TNFSF14: variants seen among roughly 807,000 people sequenced by gnomAD.
TNFSF14 encodes the protein tumor necrosis factor ligand superfamily member 14.
In TNFSF14, 15 loss-of-function variants were observed where a neutral mutation model predicts 22.7. The observed-to-expected ratio is 0.66, with a 90% CI of 0.44 to 1.02. TNFSF14 has a LOEUF of 1.02. TNFSF14 is among the 50% of genes least tolerant of loss of function. TNFSF14 has a pLI of 0.00. For synonymous variants in TNFSF14, 133 were observed against 139.6 expected (o/e 0.95, Z 0.33); for missense variants, 287 against 326.2 (o/e 0.88, Z 0.93).
chr19:6,670,323 C>T, upstream of TNFSF14: 3 of 1,317,280 alleles, frequency 2.3e-6, no homozygotes, highest in Non-Finnish European at 2.9e-6. Flanking sequence ...GAAAATGTGA[C>T]TCAGGTGGCA....
rs1917373874 is a variant in TNFSF14, at chr19:6,665,168, T to G, written c.481A>C (p.Thr161Pro). The change falls in exon 4 of 4, where the codon ACC (threonine) becomes CCC (proline). Residue 161 changes from threonine to proline, a missense_variant. Coordinates refer to ENST00000675206, the MANE Select transcript of TNFSF14 (RefSeq NM_001376887.1). ...CGCTTGTAGAGGCCGTGGGTGATGG[T>G]GCTGGCCAGGCCCAGCGGGCAGCCC... ...GVGCPLGLAS[T>P]ITHGLYKRTP... The G allele has an allele frequency of 6.2e-7, 1 of 1,614,098 alleles. No individual in the cohort carries two copies. The highest frequency in any genetic ancestry group is 2.2e-5 in the East Asian group (1 of 44,878).
chr19:6,666,849 G>A (rs1202434704), intron 3 of TNFSF14, among the ~76,000 whole-genome samples: 1 of 152,004 alleles, frequency 6.6e-6, no homozygotes, highest in Non-Finnish European at 1.5e-5. Context: ...AGTGAGCCGA[G>A]ATCATGCCAC....
At chr19:6,670,225 C>T, upstream of TNFSF14, 2 of 1,443,214 alleles carry the variant, frequency 1.4e-6, no homozygotes, top group Middle Eastern at 2.5e-4. Flanking sequence ...CCCCACTCAC[C>T]CTCCTCTTCT....
intron 1 of TNFSF14, among the ~76,000 whole-genome samples, chr19:6,669,405 C>T (rs967608303): frequency 1.3e-5 from 2 of 152,144 alleles, no homozygotes; most frequent in Non-Finnish European, 2.9e-5. Context: ...ATCACTTGAA[C>T]CCGGGAGGCA....
intron 1 of TNFSF14, among the ~76,000 whole-genome samples, chr19:6,668,978 G>A (rs573854905): frequency 5.3e-5 from 8 of 152,324 alleles, no homozygotes; most frequent in African/African-American, 1.9e-4. Context: ...ACGTCCACAT[G>A]GGTATATGGA....
chr19:6,669,513 G>A (rs942962457), intron 1 of TNFSF14, among the ~76,000 whole-genome samples: 1 of 152,048 alleles, frequency 6.6e-6, no homozygotes, highest in Non-Finnish European at 1.5e-5. Context: ...GAAAATGCAT[G>A]CGTGTGTGCA....
At chr19:6,669,424 G>A (rs1035278510) in intron 1 of TNFSF14, among the ~76,000 whole-genome samples, 1 of 152,068 alleles carries the variant, frequency 6.6e-6, no homozygotes, top group Non-Finnish European at 1.5e-5. Flanking sequence ...CAGAGGTTGC[G>A]GTGAGCAGAG....
At chr19:6,667,622 A>G (rs898146071) in intron 1 of TNFSF14, among the ~76,000 whole-genome samples, 173 bp from the exon 2 acceptor site, 1 of 152,208 alleles carries the variant, frequency 6.6e-6, no homozygotes, top group Non-Finnish European at 1.5e-5. Context: ...CAGAGGCCTC[A>G]CAACCACTTG....
chr19:6,670,086 G>C lies in TNFSF14; in HGVS notation c.-17C>G. ...CTCCTCCATGCCCAAGGTGTCTGGA[G>C]CAGGGCTGACACGCCTGGGTCCTTC... is the stretch of plus-strand genomic sequence containing the variant. On this transcript the variant is annotated 5_prime_UTR_variant, in exon 1 of 4. Coordinates refer to ENST00000675206, the MANE Select transcript of TNFSF14 (RefSeq NM_001376887.1). The C allele has an allele frequency of 6.2e-7, 1 of 1,611,458 alleles. No individual in the cohort carries two copies. The highest frequency in any genetic ancestry group is 1.1e-5 in the South Asian group (1 of 91,068).
Position 6,665,495 on chromosome 19 carries a change from G to A in TNFSF14, c.299-145C>T, listed in dbSNP as rs1042923035. The stretch of plus-strand genomic sequence containing the variant: ...ATGATCTCGGCTTACTGCACCCTCC[G>A]CCTCCCAGGTTCAAGCGATTGTCCT... On this transcript the variant is annotated intron_variant, in intron 3 of 3. Transcript: ENST00000675206. 7.7e-6 allele frequency: 7 copies of A among 909,982 alleles called. No individual in the cohort carries two copies. In the East Asian group the frequency reaches 8.0e-5, roughly 10 times the overall value. 56.4% of individuals were successfully genotyped at this position (909,982 alleles called of 1,614,324 possible).
chr19:6,668,725 A>G (rs935226645), intron 1 of TNFSF14, among the ~76,000 whole-genome samples: 4 of 151,950 alleles, frequency 2.6e-5, no homozygotes, highest in African/African-American at 9.7e-5. Flanking sequence ...AAAAAAATGC[A>G]GACAGCGAGA....
intron 2 of TNFSF14, 64 bp downstream of exon 2, chr19:6,667,349 C>T (rs548681565): frequency 1.7e-5 from 25 of 1,494,000 alleles, no homozygotes; most frequent in African/African-American, 2.9e-5. Flanking sequence ...GGCAATTGAC[C>T]GAGGGGTGGG....
At position 6,664,990 on chromosome 19, in the gene TNFSF14, A is replaced by G. The variant is rs992391165; in HGVS notation, c.659T>C (p.Leu220Pro). ...ACGCAGTCGAACCAGGCGTTCATCC[A>G]GCACACGGACGACCACCTTCTCCCC... ...EAGEKVVVRV[L>P]DERLVRLRDG... The change falls in exon 4 of 4, where the codon CTG becomes CCG. Residue 220 changes from leucine (L) to proline (P), a missense_variant. Physicochemically the swap from Leu to Pro is moderately conservative, Grantham distance 98 (BLOSUM62 -3). Coordinates refer to ENST00000675206, the MANE Select transcript of TNFSF14 (RefSeq NM_001376887.1). This position sits in a 1 kb window ranked among gnomAD's most constrained non-coding sequence, Gnocchi z 4.7. 1 of 1,613,172 alleles carries G rather than the reference A, an allele frequency of 6.2e-7. No homozygotes were observed. Among genetic ancestry groups the G allele is most frequent in the Middle Eastern group, 1.7e-4 (1 of 6,058 alleles).
Position 6,661,307 on chromosome 19 carries a change from C to G in TNFSF14, c.*3619G>C, listed in dbSNP as rs1917233173. The G allele has an allele frequency of 6.6e-6, 1 of 152,442 alleles. No homozygotes were observed. Among genetic ancestry groups the G allele is most frequent in the Non-Finnish European group, 1.5e-5 (1 of 68,058 alleles). The allele number at this position is 152,442 out of a possible 1,614,324, so 9.4% of individuals were successfully genotyped here. ...CGGCGACTGAGAGACGGCTAGCGCTCAAAATTCTCTCCACCCCAAAGAAGG... is the reference window on the plus strand; with the variant it reads ...CGGCGACTGAGAGACGGCTAGCGCTGAAAATTCTCTCCACCCCAAAGAAGG... On this transcript the variant is annotated 3_prime_UTR_variant, in exon 4 of 4. Coordinates refer to ENST00000675206, the MANE Select transcript of TNFSF14 (RefSeq NM_001376887.1).
chr19:6,667,463 A>G lies in TNFSF14; in HGVS notation c.220-14T>C. 2 of 1,570,974 alleles carry G rather than the reference A, an allele frequency of 1.3e-6. No individual in the cohort carries two copies. The highest frequency in any genetic ancestry group is 1.7e-6 in the Non-Finnish European group (2 of 1,166,156). ...TGCAGGTCCGTCCTGAAAATGCAGAAGGGGCCTGCGGTAAGAACCTGCAGC... is the reference window on the plus strand; with the variant it reads ...TGCAGGTCCGTCCTGAAAATGCAGAGGGGGCCTGCGGTAAGAACCTGCAGC... On this transcript the variant is annotated splice_polypyrimidine_tract_variant and intron_variant, in intron 1 of 3. Coordinates refer to ENST00000675206, the MANE Select transcript of TNFSF14 (RefSeq NM_001376887.1).
At position 6,669,879 on chromosome 19, in the gene TNFSF14, C is replaced by A. The variant is rs760204853; in HGVS notation, c.191G>T (p.Arg64Leu). 6.2e-7 allele frequency: 1 copy of A among 1,613,284 alleles called. No homozygotes were observed. The highest frequency in any genetic ancestry group is 8.5e-7 in the Non-Finnish European group (1 of 1,179,958). Residue 64 changes from arginine (R) to leucine (L), a missense_variant, in exon 1 of 4, where the codon CGT (arginine) becomes CTT (leucine). Coordinates refer to ENST00000675206, the MANE Select transcript of TNFSF14 (RefSeq NM_001376887.1). ...QGWFLLQLHW[R>L]LGEMVTRLPD... ...CAGGCGGGTGACCATCTCTCCTAGA[C>A]GCCAGTGCAGCTGCAGGAGGAACCA... is the stretch of plus-strand genomic sequence containing the variant.
intron 3 of TNFSF14, among the ~76,000 whole-genome samples, chr19:6,665,745 G>C (rs548778029): frequency 2.6e-5 from 4 of 151,810 alleles, no homozygotes; most frequent in African/African-American, 9.7e-5. Context: ...CTCCAGGCCA[G>C]TCACCACTAG....
Position 6,667,139 on chromosome 19 carries a change from T to C in TNFSF14, c.272A>G (p.Glu91Gly), listed in dbSNP as rs770420144. The C allele has an allele frequency of 6.3e-7, 1 of 1,595,826 alleles. No homozygotes were observed. Among genetic ancestry groups the C allele is most frequent in the Non-Finnish European group, 8.5e-7 (1 of 1,173,390 alleles). The part of the protein sequence containing the change: ...EQLIQERRSH[E>G]VNPAAHLTGA... ...TGTGAGATGCGCTGCTGGGTTGACC[T>C]CGTGAGACCTTCGCTCTGGGGAAAG... The change falls in exon 3 of 4, where the codon GAG (glutamate) becomes GGG (glycine). Residue 91 changes from glutamate (E) to glycine (G), a missense_variant. Glu to Gly is a moderately conservative substitution (Grantham distance 98). Coordinates refer to ENST00000675206, the MANE Select transcript of TNFSF14 (RefSeq NM_001376887.1).
intron 3 of TNFSF14, 28 bp downstream of exon 3, chr19:6,667,085 C>G: frequency 1.2e-6 from 2 of 1,609,078 alleles, no homozygotes; most frequent in African/African-American, 1.3e-5. Flanking sequence ...GACCCCTGCC[C>G]CTTGCCAGGA....
Sources: allele counts gnomAD v4.1 joint callset (sites outside exome capture counted in the v4.1 genomes callset), GRCh38; gene constraint gnomAD v4.1.1; non-coding constraint Gnocchi (gnomAD v3.1); transcripts MANE v1.5; gene names NCBI Gene and HGNC (gene_info 2026-07-23, HGNC 2026-07-21).